The following ALPL variants were observed in gnomAD, a reference collection of about 807,000 sequenced individuals.
ALPL encodes alkaline phosphatase, biomineralization associated.
A neutral mutation model predicts 51.3 loss-of-function variants in ALPL; 42 were observed. That is an observed-to-expected ratio of 0.82 (90% CI 0.64 to 1.06). ALPL has a LOEUF of 1.06. ALPL is among the 50% of genes least tolerant of loss of function. The pLI, the probability that ALPL is intolerant of heterozygous loss-of-function variation, is 0.00. For synonymous variants in ALPL, 279 were observed against 296.4 expected (o/e 0.94, Z 0.60); for missense variants, 589 against 709.4 (o/e 0.83, Z 1.93).
At position 21,554,867 on chromosome 1, in the gene ALPL, TTC is replaced by T. The variant is rs1484938537; in HGVS notation, c.61+727_61+728del. On this transcript the variant is annotated intron_variant, in intron 2 of 11. Transcript: ENST00000374840. ...TTTCTTTCTTTCTTTCTTTCTTTCT[TTC>T]TTTCTCTCTTTCTTTCTTTTTCTTT... Among the ~76,000 whole-genome samples the T allele has an allele frequency of 3.6e-3, 486 of 136,362 alleles. 2 individuals carry two copies. Among genetic ancestry groups the T allele is most frequent in the Admixed American group, 4.3e-3 (55 of 12,920 alleles). The allele number at this position is 136,362 out of a possible 152,430, so 89.5% of individuals were successfully genotyped here. A position where few individuals can be genotyped will look rare whatever the true frequency, so the allele number is the denominator to read the frequency against.
intron 1 of ALPL, among the ~76,000 whole-genome samples, chr1:21,537,457 C>T (rs1029187202): frequency 1.4e-4 from 22 of 152,246 alleles, no homozygotes; most frequent in African/African-American, 5.3e-4. Flanking sequence ...CAGGAAGCTG[C>T]GATCACGGGA....
Position 21,560,616 on chromosome 1 carries a change from C to T in ALPL, c.62-10C>T, listed in dbSNP as rs751260907. On this transcript the variant is annotated splice_polypyrimidine_tract_variant and intron_variant, in intron 2 of 11. Coordinates refer to ENST00000374840, the MANE Select transcript of ALPL (RefSeq NM_000478.6). ...TACCCCGCCAAGTAACTGCCTCTCTCTGTGTTTAGAGAAAGAGAAAGACCC... is the reference window on the plus strand; with the variant it reads ...TACCCCGCCAAGTAACTGCCTCTCTTTGTGTTTAGAGAAAGAGAAAGACCC... 1 of 1,614,060 alleles carries T rather than the reference C, an allele frequency of 6.2e-7. No individual in the cohort carries two copies. Among genetic ancestry groups the T allele is most frequent in the East Asian group, 2.2e-5 (1 of 44,880 alleles).
Position 21,575,902 on chromosome 1 carries a change from C to A in ALPL, c.1167C>A (p.Thr389=). ...ACGTCTTCACATTTGGTGGATACAC[C>A]CCCCGTGGCAACTCTATCTTTGGTA... The part of the protein sequence containing the change: ...HSHVFTFGGY[T]PRGNSIFGLA... Residue 389 remains threonine, a synonymous_variant, in exon 10 of 12, where the codon ACC becomes ACA. Transcript: ENST00000374840. 6.2e-7 allele frequency: 1 copy of A among 1,614,178 alleles called. No homozygotes were observed. Among genetic ancestry groups the A allele is most frequent in the East Asian group, 2.2e-5 (1 of 44,878 alleles).
At position 21,564,244 on chromosome 1, in the gene ALPL, G is replaced by A. The variant is rs1254541818; in HGVS notation, c.648+28G>A. ...GAGTGCTCGGGGGCAGCCGGGCAGG[G>A]ACGGGGTGAGGCGGGGCCTCTGGTG... is the stretch of plus-strand genomic sequence containing the variant. On this transcript the variant is annotated intron_variant, in intron 6 of 11. Coordinates refer to ENST00000374840, the MANE Select transcript of ALPL (RefSeq NM_000478.6). This position sits in a 1 kb window ranked among gnomAD's most constrained non-coding sequence, Gnocchi z 5.8. 6.2e-7 allele frequency: 1 copy of A among 1,611,658 alleles called. No individual in the cohort carries two copies. The highest frequency in any genetic ancestry group is 8.5e-7 in the Non-Finnish European group (1 of 1,179,642).
intron 1 of ALPL, among the ~76,000 whole-genome samples, chr1:21,517,528 A>G (rs1409855000): frequency 1.3e-5 from 2 of 152,166 alleles, no homozygotes; most frequent in African/African-American, 4.8e-5. Context: ...GAGACAGAAC[A>G]TAGACACACC....
intron 1 of ALPL, among the ~76,000 whole-genome samples, chr1:21,542,131 C>T (rs1000489130): frequency 2.0e-5 from 3 of 152,194 alleles, no homozygotes; most frequent in Admixed American, 6.5e-5. Flanking sequence ...CTGGGCTTGG[C>T]GGAGAGAGGA....
intron 1 of ALPL, among the ~76,000 whole-genome samples, chr1:21,530,840 G>T (rs1181302238): frequency 6.7e-6 from 1 of 148,862 alleles, no homozygotes; most frequent in Non-Finnish European, 1.5e-5. Flanking sequence ...GAGAGCAGTG[G>T]CATGAACATG....
intron 1 of ALPL, among the ~76,000 whole-genome samples, chr1:21,522,939 G>A (rs1643898517): frequency 6.6e-6 from 1 of 152,188 alleles, no homozygotes; most frequent in Admixed American, 6.5e-5. Context: ...GCCCTAGGAG[G>A]TAGATATTAT....
At chr1:21,541,340 G>GGT (rs1644181439) in intron 1 of ALPL, among the ~76,000 whole-genome samples, 1 of 152,218 alleles carries the variant, frequency 6.6e-6, no homozygotes, top group African/African-American at 2.4e-5. Flanking sequence ...GCTTCTATTA[G>GGT]GTGTGGAGGG....
rs150268202 is a variant in ALPL, at chr1:21,557,018, G to A, written c.61+2876G>A. On this transcript the variant is annotated intron_variant, in intron 2 of 11. Coordinates refer to ENST00000374840, the MANE Select transcript of ALPL (RefSeq NM_000478.6). Reference sequence around the variant, plus strand: ...GGCGTTCCTCTCTGCATCAGCTCCTGTGGGCCCCTCTGGTTTTAGATTCCC... The same window carrying A: ...GGCGTTCCTCTCTGCATCAGCTCCTATGGGCCCCTCTGGTTTTAGATTCCC... Among the ~76,000 whole-genome samples the A allele has an allele frequency of 7.6e-3, 1,154 of 152,332 alleles. 16 individuals are homozygous for A. Among genetic ancestry groups the A allele is most frequent in the African/African-American group, 0.026 (1,076 of 41,576 alleles).
At chr1:21,521,287 C>T (rs1049744881) in intron 1 of ALPL, among the ~76,000 whole-genome samples, 17 of 152,192 alleles carry the variant, frequency 1.1e-4, no homozygotes, top group Admixed American at 7.2e-4. Flanking sequence ...CGGGTTCAAG[C>T]GATTCTCCTG....
At chr1:21,531,546 T>C (rs1270124041) in intron 1 of ALPL, among the ~76,000 whole-genome samples, 2 of 152,190 alleles carry the variant, frequency 1.3e-5, no homozygotes, top group Admixed American at 6.5e-5. Context: ...TGTCCTGGGA[T>C]AGAGAGCCAA....
chr1:21,559,688 TTTTCATATTTCAGTAGAGACGGGATA>T (rs1277943362), intron 2 of ALPL, among the ~76,000 whole-genome samples: 2 of 152,110 alleles, frequency 1.3e-5, no homozygotes, highest in Non-Finnish European at 2.9e-5. Flanking sequence ...CCCAGCTAAT[TTTTCATATTTCAGTAGAGACGGGATA>T]TCACCGTGTT....
At chr1:21,527,997 A>G (rs1209462806) in intron 1 of ALPL, among the ~76,000 whole-genome samples, 2 of 130,482 alleles carry the variant, frequency 1.5e-5, no homozygotes, top group African/African-American at 3.1e-5. Flanking sequence ...CATTGTGTGT[A>G]CGTGTTTTTT....
chr1:21,526,373 C>T (rs1376109298), intron 1 of ALPL, among the ~76,000 whole-genome samples: 1 of 152,128 alleles, frequency 6.6e-6, no homozygotes, highest in Admixed American at 6.5e-5. Flanking sequence ...CTCCTGACCT[C>T]AGGTGATCTG....
chr1:21,561,689 GAC>G (rs1196800758), intron 4 of ALPL, among the ~76,000 whole-genome samples: 1 of 104,450 alleles, frequency 9.6e-6, no homozygotes, highest in African/African-American at 3.8e-5. Flanking sequence ...TTTTTTTTGA[GAC>G]AGTCTTACTC....
rs990048378 is a variant in ALPL at position 21,509,770 on chromosome 1, G to A, written c.-105+253G>A. 6.6e-6 allele frequency among the ~76,000 whole-genome samples: 1 copy of A among 152,138 alleles called. No homozygotes were observed. Among genetic ancestry groups the A allele is most frequent in the Non-Finnish European group, 1.5e-5 (1 of 68,006 alleles). On this transcript the variant is annotated intron_variant, in intron 1 of 11. Transcript: ENST00000374840. The surrounding 1 kb of genome is among the most constrained non-coding windows in gnomAD (Gnocchi z 6.0). ...GATTGGACGTGGCGCCCGCGGAGCCGGCGAACTCAGGGGACCGCGCTCGGG... is the reference window on the plus strand; with the variant it reads ...GATTGGACGTGGCGCCCGCGGAGCCAGCGAACTCAGGGGACCGCGCTCGGG...
chr1:21,539,270 GATA>G (rs928610742), intron 1 of ALPL, among the ~76,000 whole-genome samples: 11 of 152,144 alleles, frequency 7.2e-5, no homozygotes, highest in Non-Finnish European at 2.9e-5. Context: ...GTAAAATGGG[GATA>G]ATAATAGTGC....
chr1:21,574,306 T>G (rs1644695466), intron 9 of ALPL: 1 of 644,420 alleles, frequency 1.6e-6, no homozygotes, highest in African/African-American at 2.0e-5. Context: ...ATCTGTCTCC[T>G]GGAGAGTGAT....
Sources: gnomAD v4.1 joint callset for allele counts (sites outside exome capture counted in the v4.1 genomes callset) on GRCh38, gnomAD v4.1.1 for gene constraint, Gnocchi (gnomAD v3.1) non-coding constraint, MANE v1.5 for transcripts, NCBI Gene and HGNC (gene_info 2026-07-23, HGNC 2026-07-21) for gene names.